The following GOLGB1 variants were observed in gnomAD, a reference collection of about 807,000 sequenced individuals.
GOLGB1 encodes the protein golgin subfamily B member 1.
A neutral mutation model predicts 336.9 loss-of-function variants in GOLGB1; 174 were observed. The observed-to-expected ratio is 0.52, with a 90% confidence interval of 0.46 to 0.59. The LOEUF is 0.59. GOLGB1 is among the 20% of genes least tolerant of loss of function. GOLGB1 has a pLI of 0.00. For synonymous variants in GOLGB1, 1,208 were observed against 1,289.2 expected (o/e 0.94, Z 1.35); for missense variants, 3,331 against 3,645.3 (o/e 0.91, Z 2.22).
Position 121,695,159 on chromosome 3 carries a change from C to A in GOLGB1, c.5364G>T (p.Thr1788=), listed in dbSNP as rs778751543. ...LEATEKHDNQ[T]NVTEEGTQSI... is the part of the protein sequence containing the mutation. The stretch of plus-strand genomic sequence containing the variant: ...ACTGTGTTCCCTCTTCAGTGACATT[C>A]GTTTGGTTATCATGTTTCTCGGTGG... The change falls in exon 13 of 22, where the codon ACG becomes ACT. Residue 1788 remains threonine (T), a synonymous_variant. Coordinates refer to ENST00000614479, the MANE Select transcript of GOLGB1 (RefSeq NM_001366282.2). 13 of 1,613,158 alleles carry A rather than the reference C, an allele frequency of 8.1e-6. No homozygotes were observed. Among genetic ancestry groups the A allele is most frequent in the Non-Finnish European group, 1.1e-5 (13 of 1,179,784 alleles).
chr3:121,734,829 C>A (rs966443809), intron 1 of GOLGB1, among the ~76,000 whole-genome samples: 2 of 152,190 alleles, frequency 1.3e-5, no homozygotes, highest in Non-Finnish European at 2.9e-5. Context: ...ACCAATCCCA[C>A]TCCTAGGCAT....
intron 5 of GOLGB1, among the ~76,000 whole-genome samples, chr3:121,724,825 A>G (rs1945458383): frequency 6.6e-6 from 1 of 152,192 alleles, no homozygotes; most frequent in Admixed American, 6.6e-5. Context: ...TTCTGTGAAT[A>G]GGCCCTGAGA....
In GOLGB1 at chr3:121,667,482, A is replaced by T. The variant is rs748027283; in HGVS notation, c.9548T>A (p.Ile3183Asn). 149 of 1,613,826 alleles carry T rather than the reference A, an allele frequency of 9.2e-5. No homozygotes were observed. Among genetic ancestry groups the T allele is most frequent in the Non-Finnish European group, 1.2e-4 (145 of 1,179,890 alleles). Residue 3183 changes from isoleucine to asparagine, a missense_variant, in exon 20 of 22, where the codon ATC (isoleucine) becomes AAC (asparagine). Coordinates refer to ENST00000614479, the MANE Select transcript of GOLGB1 (RefSeq NM_001366282.2). The stretch of plus-strand genomic sequence containing the variant: ...TATCTCCTTCAGCCTTTACCGTCTG[A>T]TCTGCTCCTCGGCCACAGAGAGAGC... ...ENALSVAEEQ[I>N]RRLEHSEWDS...
chr3:121,683,995 GC>G (rs1336326655), intron 14 of GOLGB1, among the ~76,000 whole-genome samples: 2 of 151,712 alleles, frequency 1.3e-5, no homozygotes, highest in African/African-American at 4.8e-5. Context: ...GGGCGTGGTG[GC>G]GGGAGCCTAT....
chr3:121,690,382 T>TA, intron 14 of GOLGB1, among the ~76,000 whole-genome samples: 1 of 152,328 alleles, frequency 6.6e-6, no homozygotes, highest in East Asian at 1.9e-4. Context: ...TTTGTGTATA[T>TA]AAAATATATA....
At chr3:121,733,189 T>C (rs1986351) in intron 1 of GOLGB1, among the ~76,000 whole-genome samples, 1 of 150,756 alleles carries the variant, frequency 6.6e-6, no homozygotes, top group Non-Finnish European at 1.5e-5. Context: ...CGGGTGTGGT[T>C]GTGGGTGCCT....
intron 19 of GOLGB1, among the ~76,000 whole-genome samples, chr3:121,667,855 T>C (rs557334827): frequency 1.3e-5 from 2 of 152,378 alleles, no homozygotes; most frequent in South Asian, 4.1e-4. Context: ...TGTGTGTGTG[T>C]TGGTGTTGCT....
At chr3:121,707,637 T>C (rs887811455) in intron 10 of GOLGB1, among the ~76,000 whole-genome samples, 4 of 94,470 alleles carry the variant, frequency 4.2e-5, no homozygotes, top group Non-Finnish European at 9.0e-5. Context: ...TGTCTCTTAC[T>C]AAAAAAAAAA....
intron 18 of GOLGB1, 25 bp from the exon 19 acceptor site, chr3:121,668,183 T>A: frequency 7.5e-7 from 1 of 1,329,600 alleles, no homozygotes; most frequent in East Asian, 2.3e-5. Flanking sequence ...AGCTTAGTAA[T>A]TCAGTGATGA....
chr3:121,673,686 G>GCTAT (rs59292082), intron 17 of GOLGB1, among the ~76,000 whole-genome samples: 12,551 of 145,450 alleles, frequency 0.086, 555 homozygotes, highest in East Asian at 0.12. Context: ...AAATGGGATT[G>GCTAT]CTATCTATCT....
At chr3:121,681,603 T>C (rs1941078266) in intron 15 of GOLGB1, 84 bp downstream of exon 15, 1 of 934,982 alleles carries the variant, frequency 1.1e-6, no homozygotes, top group Non-Finnish European at 1.6e-6. Context: ...AGAAGCTCTC[T>C]GCACTATTTT....
At position 121,690,850 on chromosome 3, in the gene GOLGB1, G is replaced by T. The variant is rs1407516934; in HGVS notation, c.8514C>A (p.Ser2838=). 5 of 1,613,428 alleles carry T rather than the reference G, an allele frequency of 3.1e-6. No individual in the cohort carries two copies. The highest frequency in any genetic ancestry group is 1.1e-5 in the South Asian group (1 of 90,984). The change falls in exon 14 of 22, where the codon TCC becomes TCA. Residue 2838 remains serine, a synonymous_variant. Coordinates refer to ENST00000614479, the MANE Select transcript of GOLGB1 (RefSeq NM_001366282.2). ...GCAGACTGGCCATAGCCTTGGAAAAGGACTGCACTTGGTTATAAGAATCTT... is the reference window on the plus strand; with the variant it reads ...GCAGACTGGCCATAGCCTTGGAAAATGACTGCACTTGGTTATAAGAATCTT... ...QLEDSYNQVQ[S]FSKAMASLQN...
chr3:121,708,700 G>A (rs1259185505), intron 10 of GOLGB1, among the ~76,000 whole-genome samples: 2 of 152,128 alleles, frequency 1.3e-5, no homozygotes, highest in African/African-American at 2.4e-5. Flanking sequence ...ACACATTACT[G>A]TATGTCAAGT....
chr3:121,665,092 C>T (rs1456099166), intron 20 of GOLGB1, 61 bp from the exon 21 acceptor site: 1 of 876,348 alleles, frequency 1.1e-6, no homozygotes, highest in Non-Finnish European at 1.9e-6. Flanking sequence ...TGATCAGGCC[C>T]AGTCTTCCCA....
chr3:121,665,732 T>G (rs545600770), intron 20 of GOLGB1, among the ~76,000 whole-genome samples: 1 of 152,150 alleles, frequency 6.6e-6, no homozygotes, highest in Non-Finnish European at 1.5e-5. Flanking sequence ...TGATCAAGCA[T>G]TTGCCTATAG....
chr3:121,707,866 A>G (rs921422456), intron 10 of GOLGB1, among the ~76,000 whole-genome samples: 3 of 152,368 alleles, frequency 2.0e-5, no homozygotes, highest in Admixed American at 1.3e-4. Flanking sequence ...TAAAATATTT[A>G]CTATACATAA....
intron 17 of GOLGB1, among the ~76,000 whole-genome samples, chr3:121,670,875 G>A (rs1398602845): frequency 2.0e-5 from 3 of 152,034 alleles, no homozygotes; most frequent in Non-Finnish European, 4.4e-5. Flanking sequence ...TCTGAGACAG[G>A]GCACAACATG....
chr3:121,665,086 C>T, intron 20 of GOLGB1, 55 bp from the exon 21 acceptor site: 1 of 941,568 alleles, frequency 1.1e-6, no homozygotes, highest in South Asian at 1.3e-5. Flanking sequence ...AGAGGCTGAT[C>T]AGGCCCAGTC....
intron 5 of GOLGB1, among the ~76,000 whole-genome samples, chr3:121,725,595 G>C (rs1945526439): frequency 6.6e-6 from 1 of 152,142 alleles, no homozygotes; most frequent in Non-Finnish European, 1.5e-5. Flanking sequence ...TGCAATTAAT[G>C]TATTTGTATG....
Sources: gnomAD v4.1 joint callset for allele counts (sites outside exome capture counted in the v4.1 genomes callset) on GRCh38, gnomAD v4.1.1 for gene constraint, MANE v1.5 for transcripts, NCBI Gene and HGNC (gene_info 2026-07-23, HGNC 2026-07-21) for gene names.